The following SPATA1 variants were observed in gnomAD, a reference collection of about 807,000 sequenced individuals.
SPATA1 encodes the protein spermatogenesis associated 1, also known as spermatogenesis-associated protein 1.
A neutral mutation model predicts 59.6 loss-of-function variants in SPATA1; 57 were observed. The observed-to-expected ratio is 0.96, with a 90% CI of 0.77 to 1.19. The LOEUF (loss-of-function observed/expected upper bound fraction) is 1.19. SPATA1 is among the 50% of genes most tolerant of loss of function. The probability of loss-of-function intolerance (pLI) is 0.00; values close to 1 mark genes in which losing one functional copy is unlikely to be tolerated. For missense variants in SPATA1, 448 were observed against 480.7 expected, an observed-to-expected ratio of 0.93 and a Z score of 0.64; for synonymous variants, 147 against 163.9, an observed-to-expected ratio of 0.90 and a Z score of 0.79.
At chr1:84,563,395 T>C (rs770404895) in intron 4 of SPATA1, 2 of 1,572,862 alleles carry the variant, frequency 1.3e-6, no homozygotes, top group South Asian at 1.2e-5. Context: ...GGAAAGGGAC[T>C]TTTGCAATGG....
chr1:84,563,697 T>C, intron 4 of SPATA1: 1 of 1,239,750 alleles, frequency 8.1e-7, no homozygotes, highest in Non-Finnish European at 1.1e-6. Flanking sequence ...AAAAATATAA[T>C]AGATAATAAA....
chr1:84,552,916 G>A, intron 12 of SPATA1: 1 of 650,830 alleles, frequency 1.5e-6, no homozygotes, highest in South Asian at 1.8e-5. Context: ...TGAAAGCACT[G>A]AAGCCAAATG....
At chr1:84,550,696 G>A in intron 12 of SPATA1, 166 bp downstream of exon 12, 1 of 1,192,150 alleles carries the variant, frequency 8.4e-7, no homozygotes, top group Non-Finnish European at 1.0e-6. Flanking sequence ...AATGCAGGAA[G>A]AAAAACTAAA....
chr1:84,531,465 T>A (rs948079059), intron 6 of SPATA1, among the ~76,000 whole-genome samples: 2 of 152,038 alleles, frequency 1.3e-5, no homozygotes, highest in African/African-American at 4.8e-5. Context: ...ACCCAGCCTC[T>A]GTTTGTTGTT....
chr1:84,548,768 TTTTTTTTTTTTTTA>T lies in SPATA1; in HGVS notation c.947-16_947-3del, dbSNP rs1219421200. ...GCCTTTCCTTTTTTTTTTTTTTTTT[TTTTTTTTTTTTTTA>T]TAGCCTACAATGGTTGGAAGAAAAA... On this transcript the variant is annotated splice_region_variant and splice_polypyrimidine_tract_variant and intron_variant, in intron 10 of 12. Transcript: ENST00000490879. 19 of 1,166,266 alleles carry T rather than the reference TTTTTTTTTTTTTTA, an allele frequency of 1.6e-5. No homozygotes were observed. The highest frequency in any genetic ancestry group is 9.7e-5 in the South Asian group (3 of 31,050). 72.2% of individuals were successfully genotyped at this position (1,166,266 alleles called of 1,614,324 possible).
At position 84,553,084 on chromosome 1, in the gene SPATA1, C is replaced by CAAAA; in HGVS notation, c.1275_1276insAAAA (p.Gln426LysfsTer19). ...TTACGAACATTGAAAACTGAACTGG[C>CAAAA]ACAGAAAAAAAAAATAATACATCTC... On this transcript the variant is annotated frameshift_variant, in exon 13 of 13. Coordinates refer to ENST00000490879, the Ensembl canonical transcript of SPATA1. LOFTEE classifies it low-confidence loss of function (END_TRUNC). 1 of 1,515,194 alleles carries CAAAA rather than the reference C, an allele frequency of 6.6e-7. No homozygotes were observed. Among genetic ancestry groups the CAAAA allele is most frequent in the Admixed American group, 2.4e-5 (1 of 42,510 alleles). The allele number at this position is 1,515,194 out of a possible 1,614,324, so 93.9% of individuals were successfully genotyped here.
intron 1 of SPATA1, among the ~76,000 whole-genome samples, chr1:84,510,527 T>A (rs1472407103): frequency 1.3e-5 from 2 of 152,166 alleles, no homozygotes; most frequent in Non-Finnish European, 2.9e-5. Context: ...GGTGAGGATG[T>A]GGAGAAAAGG....
downstream of SPATA1, among the ~76,000 whole-genome samples, chr1:84,555,674 A>T (rs2994956): frequency 0.013 from 2,042 of 152,302 alleles, 40 homozygotes; most frequent in African/African-American, 0.045. Flanking sequence ...TTAGCCAGTG[A>T]TTATTAGCCA....
chr1:84,512,246 G>A (rs1682598158), intron 1 of SPATA1, among the ~76,000 whole-genome samples: 1 of 152,044 alleles, frequency 6.6e-6, no homozygotes, highest in East Asian at 1.9e-4. Context: ...TTCACTTGTT[G>A]CATTCCTTGA....
At chr1:84,550,449 G>T in exon 12 of SPATA1, 2 of 1,547,496 alleles carry the variant, frequency 1.3e-6, no homozygotes, top group Admixed American at 1.9e-5. Context: ...TAATAATCCA[G>T]ATCACTGAGG....
intron 1 of SPATA1, among the ~76,000 whole-genome samples, chr1:84,509,791 G>A (rs1570377787): frequency 6.6e-6 from 1 of 152,258 alleles, no homozygotes; most frequent in African/African-American, 2.4e-5. Flanking sequence ...AAACAGTGCA[G>A]AAACTTTCCA....
intron 1 of SPATA1, among the ~76,000 whole-genome samples, chr1:84,508,290 A>G (rs546397488): frequency 3.3e-5 from 5 of 152,214 alleles, no homozygotes; most frequent in African/African-American, 1.2e-4. Flanking sequence ...CTCAAAAAAA[A>G]AAAAACAAAA....
intron 10 of SPATA1, among the ~76,000 whole-genome samples, chr1:84,546,697 A>G (rs531003263): frequency 2.4e-4 from 36 of 152,030 alleles, no homozygotes; most frequent in Non-Finnish European, 4.1e-4. Context: ...TTCCCAGTTT[A>G]CCTGCCTATT....
At chr1:84,507,933 G>A (rs1350131521) in intron 1 of SPATA1, among the ~76,000 whole-genome samples, 1 of 152,074 alleles carries the variant, frequency 6.6e-6, no homozygotes, top group Non-Finnish European at 1.5e-5. Flanking sequence ...CAAACACCAG[G>A]TGTTATTTTT....
intron 11 of SPATA1, 38 bp from the exon 12 acceptor site, chr1:84,550,392 TTA>T (rs1684234316): frequency 9.5e-7 from 1 of 1,052,300 alleles, no homozygotes; most frequent in Non-Finnish European, 1.3e-6. Flanking sequence ...ATAAAAATGT[TTA>T]TATGTTATAC....
intron 1 of SPATA1, among the ~76,000 whole-genome samples, chr1:84,510,320 A>G (rs1333903925): frequency 6.6e-6 from 1 of 152,252 alleles, no homozygotes; most frequent in African/African-American, 2.4e-5. Context: ...AAAAAAATCT[A>G]ATAACCCGCT....
At chr1:84,526,694 C>G (rs1683238905) in intron 6 of SPATA1, among the ~76,000 whole-genome samples, 1 of 151,650 alleles carries the variant, frequency 6.6e-6, no homozygotes, top group African/African-American at 2.4e-5. Context: ...TGGCAAGACC[C>G]TGTCTCTACG....
chr1:84,550,420 C>G lies in SPATA1; in HGVS notation c.1126-12C>G. On this transcript the variant is annotated splice_polypyrimidine_tract_variant and intron_variant, in intron 11 of 12. Coordinates refer to ENST00000490879, the Ensembl canonical transcript of SPATA1. ...TATGTTATACTAAATAAATATCTAT[C>G]TATCCACACAGAATTACCTAATAAT... The G allele has an allele frequency of 1.4e-6, 2 of 1,394,964 alleles. No individual in the cohort carries two copies. The highest frequency in any genetic ancestry group is 1.9e-6 in the Non-Finnish European group (2 of 1,032,932). The allele number at this position is 1,394,964 out of a possible 1,614,324, so 86.4% of individuals were successfully genotyped here. A position where few individuals can be genotyped will look rare whatever the true frequency, so the allele number is the denominator to read the frequency against.
chr1:84,557,835 G>C (rs1258972338), downstream of SPATA1, among the ~76,000 whole-genome samples: 2 of 150,446 alleles, frequency 1.3e-5, no homozygotes, highest in East Asian at 3.9e-4. Context: ...ACCAGCGTGG[G>C]CGACATAGTG....
Sources: gnomAD v4.1 joint callset for allele counts (sites outside exome capture counted in the v4.1 genomes callset) on GRCh38, gnomAD v4.1.1 for gene constraint, MANE v1.5 for transcripts, NCBI Gene and HGNC (gene_info 2026-07-23, HGNC 2026-07-21) for gene names.